Variants in TXNDC11 observed in about 807,000 individuals in gnomAD.
TXNDC11 encodes thioredoxin domain containing 11, also known as thioredoxin domain-containing protein 11.
TXNDC11 carries 68 observed loss-of-function variants against 78.0 expected under a neutral mutation model. That is an observed-to-expected ratio of 0.87 (90% confidence interval 0.72 to 1.07). The LOEUF (loss-of-function observed/expected upper bound fraction) is 1.07. TXNDC11 is among the 50% of genes least tolerant of loss of function. The pLI, the probability that TXNDC11 is intolerant of heterozygous loss-of-function variation, is 0.00. For synonymous variants in TXNDC11, 571 were observed against 495.2 expected (o/e 1.15, Z -2.03); for missense variants, 1,389 against 1,221.8 (o/e 1.14, Z -2.04).
intron 10 of TXNDC11, among the ~76,000 whole-genome samples, chr16:11,686,585 T>G (rs1384690643): frequency 6.6e-6 from 1 of 152,246 alleles, no homozygotes; most frequent in Non-Finnish European, 1.5e-5. Flanking sequence ...TACATCTGAC[T>G]GCAGTTTCCA....
In TXNDC11 at chr16:11,698,110, C is replaced by A. The variant is rs1375895956; in HGVS notation, c.1107+15G>T. On this transcript the variant is annotated intron_variant, in intron 7 of 11. Coordinates refer to ENST00000283033, the MANE Select transcript of TXNDC11 (RefSeq NM_015914.7). ...CCTACTCCTCATGAGGTGCTTTTCA[C>A]ATCACAGCTCTTACCTCGTCTATTA... 3 of 1,613,894 alleles carry A rather than the reference C, an allele frequency of 1.9e-6. No homozygotes were observed.
chr16:11,695,915 G>C (rs1165160730), intron 7 of TXNDC11, among the ~76,000 whole-genome samples: 2 of 151,900 alleles, frequency 1.3e-5, no homozygotes, highest in Non-Finnish European at 2.9e-5. Flanking sequence ...TGCACCTGTA[G>C]TCCCAGCTAC....
chr16:11,720,329 T>G (rs1345998062), intron 5 of TXNDC11, among the ~76,000 whole-genome samples: 1 of 152,096 alleles, frequency 6.6e-6, no homozygotes, highest in Admixed American at 6.6e-5. Context: ...ATTGCTAAAT[T>G]ACAACCTATC....
intron 4 of TXNDC11, among the ~76,000 whole-genome samples, chr16:11,723,313 C>T (rs975230091): frequency 6.6e-5 from 10 of 151,232 alleles, no homozygotes; most frequent in African/African-American, 2.4e-4. Context: ...ACTCTGTTGC[C>T]CTGGCTCACG....
At chr16:11,703,065 T>C (rs2051078370) in intron 5 of TXNDC11, among the ~76,000 whole-genome samples, 1 of 151,858 alleles carries the variant, frequency 6.6e-6, no homozygotes, top group Non-Finnish European at 1.5e-5. Flanking sequence ...GCCACAGTGA[T>C]GTATCACACA....
At chr16:11,739,922 G>T (rs760603841) in intron 1 of TXNDC11, among the ~76,000 whole-genome samples, 1 of 151,898 alleles carries the variant, frequency 6.6e-6, no homozygotes, top group Non-Finnish European at 1.5e-5. Context: ...GGCCAGGCGC[G>T]GTGGCTCACA....
rs1455641899 is a variant in TXNDC11 at position 11,742,465 on chromosome 16, G to A, written c.254+12C>T. The A allele has an allele frequency of 4.2e-6, 6 of 1,414,446 alleles. No individual in the cohort carries two copies. In the African/African-American group the frequency reaches 6.0e-5, roughly 14 times the overall value. The allele number at this position is 1,414,446 out of a possible 1,614,324, so 87.6% of individuals were successfully genotyped here. A position where few individuals can be genotyped will look rare whatever the true frequency, so the allele number is the denominator to read the frequency against. ...GCGCCCTAGCGGGGCCCCAGGGTCC[G>A]GGCCGCCTCACCTGCAGGTGAACTT... is the stretch of plus-strand genomic sequence containing the variant. On this transcript the variant is annotated intron_variant, in intron 1 of 11. Coordinates refer to ENST00000283033, the MANE Select transcript of TXNDC11 (RefSeq NM_015914.7).
At position 11,691,664 on chromosome 16, in the gene TXNDC11, C is replaced by A; in HGVS notation, c.1526G>T (p.Cys509Phe). 6.2e-7 allele frequency: 1 copy of A among 1,614,190 alleles called. No individual in the cohort carries two copies. Among genetic ancestry groups the A allele is most frequent in the Non-Finnish European group, 8.5e-7 (1 of 1,180,042 alleles). ...YSPFSYYTAC[C>F]RTISRGVSGF... Reference sequence around the variant, plus strand: ...TGACACACCCCTGCTTATGGTCCTGCAACATGCAGTGTAGTAGCTGAAGGG... The same window carrying A: ...TGACACACCCCTGCTTATGGTCCTGAAACATGCAGTGTAGTAGCTGAAGGG... Residue 509 changes from cysteine (C) to phenylalanine (F), a missense_variant, in exon 8 of 12, where the codon TGC (cysteine) becomes TTC (phenylalanine). By Grantham distance (205) the Cys-to-Phe change is radical (BLOSUM62 -2). Transcript: ENST00000283033.
rs80239051 is a variant in TXNDC11 at position 11,681,964 on chromosome 16, A to G, written c.2235-2127T>C. On this transcript the variant is annotated intron_variant, in intron 11 of 11. Transcript: ENST00000283033. ...AAGCAGCACCTTCAAATCACTTGCA[A>G]TCTCACTCCTCTGAAGTCATCAATG... Among the ~76,000 whole-genome samples, 912 of 152,260 alleles carry G rather than the reference A, an allele frequency of 6.0e-3. 12 individuals carry two copies. The highest frequency in any genetic ancestry group is 0.02 in the African/African-American group (826 of 41,540).
intron 1 of TXNDC11, among the ~76,000 whole-genome samples, chr16:11,739,070 C>A (rs2052316945): frequency 6.6e-6 from 1 of 152,034 alleles, no homozygotes; most frequent in African/African-American, 2.4e-5. Context: ...ATAATGCAAT[C>A]TGAGGAAAAA....
At chr16:11,718,867 G>C (rs1173865845) in intron 5 of TXNDC11, among the ~76,000 whole-genome samples, 1 of 152,092 alleles carries the variant, frequency 6.6e-6, no homozygotes, top group East Asian at 1.9e-4. Context: ...ACATAAACTT[G>C]TCAAAATTAG....
In TXNDC11 at chr16:11,691,380, G is replaced by C. The variant is rs2050709027; in HGVS notation, c.1810C>G (p.Gln604Glu). 1.2e-6 allele frequency: 2 copies of C among 1,614,216 alleles called. No homozygotes were observed. The highest frequency in any genetic ancestry group is 1.7e-6 in the Non-Finnish European group (2 of 1,180,022). ...ACAATTGCCGCAAATTCTTTCACCT[G>C]AGTGGAGCTCGGAGCACCCAGTCTC... ...AERLGAPSSTQVKEFAAIVDV... is the reference protein window; with the variant it reads ...AERLGAPSSTEVKEFAAIVDV... The change falls in exon 8 of 12, where the codon CAG (glutamine) becomes GAG (glutamate). Residue 604 changes from glutamine (Q) to glutamate (E), a missense_variant. By Grantham distance (29) the Gln-to-Glu change is conservative. Transcript: ENST00000283033.
intron 7 of TXNDC11, among the ~76,000 whole-genome samples, chr16:11,697,448 T>C (rs867234569): frequency 5.9e-5 from 9 of 152,184 alleles, no homozygotes; most frequent in African/African-American, 1.7e-4. Context: ...ATACTGTGCC[T>C]GCTGTCTCTC....
chr16:11,711,074 TC>T (rs1213728473), intron 5 of TXNDC11, among the ~76,000 whole-genome samples: 1 of 151,714 alleles, frequency 6.6e-6, no homozygotes, highest in East Asian at 1.9e-4. Context: ...CCATAGAACT[TC>T]CCCTAGGCCT....
In TXNDC11 at chr16:11,727,245, ATTTT is replaced by A. The variant is rs569960235; in HGVS notation, c.699+3396_699+3399del. Among the ~76,000 whole-genome samples the A allele has an allele frequency of 2.6e-3, 394 of 151,420 alleles. 1 individual carries two copies. Among genetic ancestry groups the A allele is most frequent in the African/African-American group, 9.2e-3 (380 of 41,330 alleles). On this transcript the variant is annotated intron_variant, in intron 4 of 11. Transcript: ENST00000283033. ...TTAAAATCCAGATCCTACGCAAGAA[ATTTT>A]TTTTTAAAACAAGGAGGAAATTATC...
chr16:11,734,109 CTATGAA>C (rs2052143814), intron 2 of TXNDC11, 30 bp from the exon 3 acceptor site: 5 of 1,392,226 alleles, frequency 3.6e-6, no homozygotes, highest in South Asian at 1.3e-5. Context: ...TTTCAAATGA[CTATGAA>C]TAACAACTGA....
intron 5 of TXNDC11, among the ~76,000 whole-genome samples, chr16:11,717,090 T>C (rs1377358106): frequency 6.9e-6 from 1 of 144,422 alleles, no homozygotes; most frequent in Non-Finnish European, 1.5e-5. Flanking sequence ...TAAACTAATA[T>C]AGTCATCAGA....
At chr16:11,735,934 G>C in intron 2 of TXNDC11, 83 bp downstream of exon 2, 1 of 1,378,230 alleles carries the variant, frequency 7.3e-7, no homozygotes, top group Non-Finnish European at 1.0e-6. Context: ...TCTGCCCGTT[G>C]GGCAAGGTGT....
At chr16:11,722,881 T>C (rs1024300127) in intron 4 of TXNDC11, among the ~76,000 whole-genome samples, 2 of 152,230 alleles carry the variant, frequency 1.3e-5, no homozygotes, top group Non-Finnish European at 2.9e-5. Context: ...TGTAGTAGAA[T>C]ATACTATCTT....
Sources: allele counts gnomAD v4.1 joint callset (sites outside exome capture counted in the v4.1 genomes callset), GRCh38; gene constraint gnomAD v4.1.1; transcripts MANE v1.5; gene names NCBI Gene and HGNC (gene_info 2026-07-23, HGNC 2026-07-21).